ITGBL1: variants seen among roughly 807,000 people sequenced by gnomAD.
ITGBL1 encodes the protein integrin subunit beta like 1, also known as integrin beta-like protein 1.
In ITGBL1, 51 loss-of-function variants were observed where a neutral mutation model predicts 68.5. The ratio of observed to expected loss-of-function variants is 0.74; its 90% CI spans 0.59 to 0.94. The LOEUF is 0.94. Among genes scored for constraint, ITGBL1 ranks in the 40% least tolerant of loss-of-function variants. The pLI, the probability that ITGBL1 is intolerant of heterozygous loss-of-function variation, is 0.00. For synonymous variants in ITGBL1, 209 were observed against 227.3 expected, an observed-to-expected ratio of 0.92 and a Z score of 0.72; for missense variants, 649 against 647.4, an observed-to-expected ratio of 1.00 and a Z score of -0.03.
At chr13:101,700,779 A>G (rs747200172) in intron 8 of ITGBL1, among the ~76,000 whole-genome samples, 1 of 152,120 alleles carries the variant, frequency 6.6e-6, no homozygotes, top group Non-Finnish European at 1.5e-5. Flanking sequence ...TGTCCCAAGA[A>G]CTTTTCATTT....
chr13:101,652,988 C>T (rs543778639), intron 7 of ITGBL1, among the ~76,000 whole-genome samples: 23 of 152,034 alleles, frequency 1.5e-4, no homozygotes, highest in African/African-American at 3.6e-4. Context: ...TCCAGCTACT[C>T]GGGAGGCTGA....
chr13:101,631,495 A>G (rs1400699824), intron 7 of ITGBL1, among the ~76,000 whole-genome samples: 2 of 152,256 alleles, frequency 1.3e-5, no homozygotes, highest in South Asian at 2.1e-4. Context: ...TCAGATACCC[A>G]CACAGAGAAA....
intron 6 of ITGBL1, among the ~76,000 whole-genome samples, chr13:101,588,428 A>G (rs1369881): frequency 0.016 from 2,488 of 152,112 alleles, 72 homozygotes; most frequent in African/African-American, 0.056. Context: ...TCTCTATTTC[A>G]TTGATCTTCT....
intron 7 of ITGBL1, among the ~76,000 whole-genome samples, chr13:101,674,800 T>G (rs896596600): frequency 1.3e-5 from 2 of 152,098 alleles, no homozygotes; most frequent in African/African-American, 4.8e-5. Flanking sequence ...ATCATAATAT[T>G]TACATTCTAG....
At chr13:101,510,110 G>T (rs760272669) in intron 2 of ITGBL1, among the ~76,000 whole-genome samples, 30 of 152,056 alleles carry the variant, frequency 2.0e-4, no homozygotes, top group Non-Finnish European at 4.0e-4. Context: ...TTGGACCCAG[G>T]TTGTGAACCT....
At chr13:101,652,336 G>T (rs554933526) in intron 7 of ITGBL1, among the ~76,000 whole-genome samples, 2 of 152,080 alleles carry the variant, frequency 1.3e-5, no homozygotes, top group Non-Finnish European at 2.9e-5. Context: ...CAGCAACAGG[G>T]TGGCCATGTG....
chr13:101,652,217 C>T (rs978658060), intron 7 of ITGBL1, among the ~76,000 whole-genome samples: 2 of 152,154 alleles, frequency 1.3e-5, no homozygotes, highest in African/African-American at 4.8e-5. Context: ...TCATGGCTCA[C>T]TGCAGCCTCA....
In ITGBL1 at chr13:101,452,821, C is replaced by G; in HGVS notation, c.-13C>G. The G allele has an allele frequency of 6.2e-7, 1 of 1,612,030 alleles. No individual in the cohort carries two copies. The highest frequency in any genetic ancestry group is 1.1e-5 in the South Asian group (1 of 91,046). Reference sequence around the variant, plus strand: ...AGAAGTGCAGCTCGCCCGGAGCAGCCCAGGAGCTCAGCATGCGTCCCCCAG... The same window carrying G: ...AGAAGTGCAGCTCGCCCGGAGCAGCGCAGGAGCTCAGCATGCGTCCCCCAG... On this transcript the variant is annotated 5_prime_UTR_variant, in exon 1 of 11. Transcript: ENST00000376180.
At chr13:101,546,452 A>G (rs910855990) in intron 2 of ITGBL1, among the ~76,000 whole-genome samples, 1 of 152,206 alleles carries the variant, frequency 6.6e-6, no homozygotes, top group Non-Finnish European at 1.5e-5. Flanking sequence ...AATCGAAGTA[A>G]GAAAATAACA....
At chr13:101,631,211 A>G (rs1314066536) in intron 7 of ITGBL1, among the ~76,000 whole-genome samples, 3 of 152,178 alleles carry the variant, frequency 2.0e-5, no homozygotes, top group African/African-American at 7.2e-5. Flanking sequence ...TTGATCGCAA[A>G]TGGTTAAAAA....
chr13:101,595,171 G>T (rs1317178618), intron 6 of ITGBL1, among the ~76,000 whole-genome samples: 1 of 152,206 alleles, frequency 6.6e-6, no homozygotes, highest in African/African-American at 2.4e-5. Flanking sequence ...ACCAGCTTCT[G>T]TTCCTGGTGA....
intron 2 of ITGBL1, among the ~76,000 whole-genome samples, chr13:101,478,932 A>G (rs1227792940): frequency 1.3e-5 from 2 of 152,090 alleles, no homozygotes; most frequent in Admixed American, 1.3e-4. Flanking sequence ...AATACCAATG[A>G]CATTCTTCAC....
chr13:101,571,523 A>G (rs556941383), intron 3 of ITGBL1, among the ~76,000 whole-genome samples: 3 of 152,242 alleles, frequency 2.0e-5, no homozygotes, highest in South Asian at 2.1e-4. Context: ...TTTATAATGT[A>G]TAGTACACTA....
intron 2 of ITGBL1, among the ~76,000 whole-genome samples, chr13:101,484,208 T>TA (rs1379789656): frequency 6.6e-6 from 1 of 152,126 alleles, no homozygotes; most frequent in East Asian, 1.9e-4. Flanking sequence ...TTTTTGTGGT[T>TA]AAAAGGGATA....
chr13:101,526,685 GTA>G (rs1491017120), intron 2 of ITGBL1, among the ~76,000 whole-genome samples: 6 of 149,136 alleles, frequency 4.0e-5, no homozygotes, highest in African/African-American at 1.5e-4. Context: ...GTGTGTGTGT[GTA>G]TGTAAGAAAA....
chr13:101,685,769 A>G (rs542637786), intron 7 of ITGBL1, among the ~76,000 whole-genome samples: 21 of 151,896 alleles, frequency 1.4e-4, no homozygotes, highest in African/African-American at 4.9e-4. Context: ...TTTGGAAAAT[A>G]TAGAGGAAAG....
At chr13:101,569,196 A>C (rs554613755) in intron 3 of ITGBL1, among the ~76,000 whole-genome samples, 14 of 152,314 alleles carry the variant, frequency 9.2e-5, no homozygotes, top group African/African-American at 3.4e-4. Flanking sequence ...TTCAGTAACA[A>C]GACTTGAATT....
intron 4 of ITGBL1, among the ~76,000 whole-genome samples, chr13:101,575,872 C>G (rs550027136): frequency 2.0e-5 from 3 of 152,242 alleles, no homozygotes; most frequent in East Asian, 1.9e-4. Context: ...CTCCTACTCT[C>G]TTAAGTGTAC....
At chr13:101,549,435 A>G (rs1316410171) in intron 2 of ITGBL1, among the ~76,000 whole-genome samples, 1 of 151,982 alleles carries the variant, frequency 6.6e-6, no homozygotes, top group Admixed American at 6.6e-5. Context: ...TTTTCAAGCA[A>G]TAAATATTAA....
Sources: allele counts gnomAD v4.1 joint callset (sites outside exome capture counted in the v4.1 genomes callset), GRCh38; gene constraint gnomAD v4.1.1; transcripts MANE v1.5; gene names NCBI Gene and HGNC (gene_info 2026-07-23, HGNC 2026-07-21).